Variants in TTN observed in about 807,000 individuals in gnomAD.
TTN encodes the protein titin, also known as connectin.
In TTN, 1,525 loss-of-function variants were observed where a neutral mutation model predicts 3,223.0. The ratio of observed to expected loss-of-function variants is 0.47; its 90% CI spans 0.45 to 0.49. The LOEUF (loss-of-function observed/expected upper bound fraction) is 0.49, where lower values mean the gene tolerates loss of function less well. Among genes scored for constraint, TTN ranks in the 20% least tolerant of loss-of-function variants. The probability of loss-of-function intolerance (pLI) is 0.00; values close to 1 mark genes in which losing one functional copy is unlikely to be tolerated. For missense variants in TTN, 40,786 were observed against 43,424.0 expected, an observed-to-expected ratio of 0.94 and a Z score of 5.40; for synonymous variants, 14,094 against 15,161.0, an observed-to-expected ratio of 0.93 and a Z score of 5.17.
intron 26 of TTN, 46 bp from the exon 27 acceptor site, chr2:178,777,363 C>T (rs1561303659): frequency 6.2e-7 from 1 of 1,612,862 alleles, no homozygotes; most frequent in Non-Finnish European, 8.5e-7. Flanking sequence ...GCTGAAATAC[C>T]TGTTTATAAC....
Position 178,563,160 on chromosome 2 carries a change from C to T in TTN, c.82972G>A (p.Ala27658Thr), listed in dbSNP as rs150150605. 31 of 1,613,722 alleles carry T rather than the reference C, an allele frequency of 1.9e-5. No homozygotes were observed. The African/African-American group carries it at 3.6e-4, about 19-fold the overall frequency. The part of the protein sequence containing the change: ...AINSEGVGEP[A>T]TLPGSVVAQE... ...GCAACCACTGAGCCAGGTAGAGTTG[C>T]AGGTTCACCTACACCTTCAGAATTG... Residue 27658 changes from alanine (A) to threonine (T), a missense_variant, in exon 326 of 363, where the codon GCA becomes ACA. Transcript: ENST00000589042. This position sits in a 1 kb window ranked among gnomAD's most constrained non-coding sequence, Gnocchi z 4.5.
In TTN at chr2:178,535,712, G is replaced by A. The variant is rs879048474; in HGVS notation, c.100903C>T (p.Leu33635Phe). Reference sequence around the variant, plus strand: ...TGGTAGTGGCCATTATTGTCAATGAGATCTTGTCCTTTCTGCCAGGTGATC... The same window carrying A: ...TGGTAGTGGCCATTATTGTCAATGAAATCTTGTCCTTTCTGCCAGGTGATC... ...PVITWQKGQD[L>F]IDNNGHYQVI... The change falls in exon 358 of 363, where the codon CTC becomes TTC. Residue 33635 changes from leucine (L) to phenylalanine (F), a missense_variant. Leu to Phe is a conservative substitution (Grantham distance 22, BLOSUM62 0). Coordinates refer to ENST00000589042, the MANE Select transcript of TTN (RefSeq NM_001267550.2). 4.3e-6 allele frequency: 7 copies of A among 1,613,660 alleles called. No individual in the cohort carries two copies. Among genetic ancestry groups the A allele is most frequent in the African/African-American group, 1.3e-5 (1 of 74,894 alleles).
chr2:178,694,966 CTCTA>C (rs2073346861), intron 115 of TTN, 60 bp from the exon 116 acceptor site: 8 of 1,187,406 alleles, frequency 6.7e-6, no homozygotes, highest in South Asian at 1.4e-5. Context: ...TTCTCTCTCT[CTCTA>C]TCTCTCTCTC....
chr2:178,651,262 T>G lies in TTN; in HGVS notation c.39606A>C (p.Pro13202=). Residue 13202 remains proline (P), a synonymous_variant, in exon 208 of 363, where the codon CCA becomes CCC. Transcript: ENST00000589042. ...PEKKVAVPKK[P]EVPPAKVPEV... is the part of the protein sequence containing the mutation. ...ATGTACCTTTTGCTGGTGGGACTTC[T>G]GGCTTTTTGGGAACAGCTACTTTCT... 6.2e-7 allele frequency: 1 copy of G among 1,613,278 alleles called. No homozygotes were observed. Among genetic ancestry groups the G allele is most frequent in the Non-Finnish European group, 8.5e-7 (1 of 1,179,470 alleles).
rs771633297 is a variant in TTN at position 178,545,425 on chromosome 2, G to A, written c.95685C>T (p.Ser31895=). The change falls in exon 344 of 363, where the codon AGC becomes AGT. Residue 31895 remains serine, a synonymous_variant. Transcript: ENST00000589042. The part of the protein sequence containing the change: ...AVNAAGNSEP[S]EASNFISCRE... ...TGCATGAGATGAAGTTGGAAGCTTCGCTGGGCTCACTGTTACCAGCTGCAT... is the reference window on the plus strand; with the variant it reads ...TGCATGAGATGAAGTTGGAAGCTTCACTGGGCTCACTGTTACCAGCTGCAT... 3.1e-6 allele frequency: 5 copies of A among 1,599,068 alleles called. No homozygotes were observed. The highest frequency in any genetic ancestry group is 2.6e-6 in the Non-Finnish European group (3 of 1,169,518).
At chr2:178,540,426 C>G (rs1018857420) in intron 350 of TTN, 56 bp from the exon 351 acceptor site, 14 of 1,379,686 alleles carry the variant, frequency 1.0e-5, no homozygotes, top group Middle Eastern at 2.4e-4. Flanking sequence ...TGAAAATTAG[C>G]TGTGCCACCT....
In TTN at chr2:178,582,935, G is replaced by A; in HGVS notation, c.65863+5C>T. On this transcript the variant is annotated splice_donor_5th_base_variant and intron_variant, in intron 313 of 362. Transcript: ENST00000589042. ...TATGGGATTCCAATGAAGTTTATTA[G>A]TTACCTAACACTTTAAGCTTAATGG... 1 of 1,484,268 alleles carries A rather than the reference G, an allele frequency of 6.7e-7. No individual in the cohort carries two copies. Among genetic ancestry groups the A allele is most frequent in the East Asian group, 2.3e-5 (1 of 42,706 alleles). The allele number at this position is 1,484,268 out of a possible 1,614,324, so 91.9% of individuals were successfully genotyped here. A position where few individuals can be genotyped will look rare whatever the true frequency, so the allele number is the denominator to read the frequency against.
intron 139 of TTN, 38 bp downstream of exon 139, chr2:178,680,216 A>C: frequency 6.2e-7 from 1 of 1,605,762 alleles, no homozygotes. Flanking sequence ...TCAACAGCAA[A>C]AGACGAACAA....
In TTN at chr2:178,729,541, C is replaced by T; in HGVS notation, c.18615G>A (p.Leu6205=). 6.2e-7 allele frequency: 1 copy of T among 1,613,140 alleles called. No homozygotes were observed. Among genetic ancestry groups the T allele is most frequent in the Non-Finnish European group, 8.5e-7 (1 of 1,179,344 alleles). Reference sequence around the variant, plus strand: ...TATATTTTACTACCTCCACAGGCTTCAGCTCTCTGATAAAGGTGGGGGGTT... The same window carrying T: ...TATATTTTACTACCTCCACAGGCTTTAGCTCTCTGATAAAGGTGGGGGGTT... ...VKEPPTFIRE[L]KPVEVVKYSD... Residue 6205 remains leucine, a synonymous_variant, in exon 64 of 363, where the codon CTG becomes CTA. Transcript: ENST00000589042.
At chr2:178,673,456 A>G (rs2067370099) in intron 152 of TTN, among the ~76,000 whole-genome samples, 177 bp downstream of exon 152, 1 of 151,816 alleles carries the variant, frequency 6.6e-6, no homozygotes, top group African/African-American at 2.4e-5. Context: ...CATGCACACA[A>G]TTATTCGTTA....
Position 178,790,110 on chromosome 2 carries a change from C to A in TTN, c.1806G>T (p.Met602Ile), listed in dbSNP as rs779396863. Reference protein sequence around the residue: ...DQMHLSYEKIMKETRKTVVPK... With the variant: ...DQMHLSYEKIIKETRKTVVPK... ...GTACAACTGTTTTCCTAGTTTCCTT[C>A]ATTATCTGATCATACAAAAGAAAGT... The change falls in exon 12 of 363, where the codon ATG becomes ATT. Residue 602 changes from methionine (M) to isoleucine (I), a missense_variant. Coordinates refer to ENST00000589042, the MANE Select transcript of TTN (RefSeq NM_001267550.2). 1.2e-6 allele frequency: 2 copies of A among 1,612,348 alleles called. No homozygotes were observed. The highest frequency in any genetic ancestry group is 2.2e-5 in the South Asian group (2 of 90,984).
rs1380106723 is a variant in TTN, at chr2:178,689,547, A to G, written c.31895T>C (p.Val10632Ala). 2 of 1,610,420 alleles carry G rather than the reference A, an allele frequency of 1.2e-6. No homozygotes were observed. Among genetic ancestry groups the G allele is most frequent in the Admixed American group, 3.4e-5 (2 of 59,614 alleles). ...GVVTEEKITI[V>A]TQREESPPPA... is the part of the protein sequence containing the mutation. ...TGGTGGAGATTCCTCTCTTTGAGTT[A>G]CAATGGTTATTTTTTCTTCTGTCAC... is the stretch of plus-strand genomic sequence containing the variant. Residue 10632 changes from valine to alanine, a missense_variant, in exon 123 of 363, where the codon GTA (valine) becomes GCA (alanine). By Grantham distance (64) the Val-to-Ala change is moderately conservative. Coordinates refer to ENST00000589042, the MANE Select transcript of TTN (RefSeq NM_001267550.2).
Position 178,593,857 on chromosome 2 carries a change from T to A in TTN, c.58443A>T (p.Gly19481=). 1 of 1,610,746 alleles carries A rather than the reference T, an allele frequency of 6.2e-7. No homozygotes were observed. The highest frequency in any genetic ancestry group is 1.1e-5 in the South Asian group (1 of 90,116). ...CAAAACTAACTGGTCCTACTGGTGG[T>A]CCAGGACGGTCTGCAGAAAAAAAAA... ...FCQVNVVDRP[G]PPVGPVSFDE... is the part of the protein sequence containing the mutation. The change falls in exon 298 of 363, where the codon GGA becomes GGT. Residue 19481 remains glycine, a synonymous_variant. Coordinates refer to ENST00000589042, the MANE Select transcript of TTN (RefSeq NM_001267550.2).
Position 178,713,364 on chromosome 2 carries a change from C to A in TTN, c.26770G>T (p.Val8924Phe). The A allele has an allele frequency of 6.6e-7, 1 of 1,520,942 alleles. No homozygotes were observed. The highest frequency in any genetic ancestry group is 1.4e-5 in the African/African-American group (1 of 71,968). 94.2% of individuals were successfully genotyped at this position (1,520,942 alleles called of 1,614,324 possible). A position where few individuals can be genotyped will look rare whatever the true frequency, so the allele number is the denominator to read the frequency against. Residue 8924 changes from valine (V) to phenylalanine (F), a missense_variant, in exon 93 of 363, where the codon GTT (valine) becomes TTT (phenylalanine). Coordinates refer to ENST00000589042, the MANE Select transcript of TTN (RefSeq NM_001267550.2). ...AATTTTCTTGTGAATGAAGGAGGAA[C>A]GGTTCGGTCTGAATGATACAAAACA... ...TASLQVSDRT[V>F]PPSFTRKLKE... is the part of the protein sequence containing the mutation.
At chr2:178,673,534 C>T in intron 152 of TTN, 99 bp downstream of exon 152, 1 of 820,300 alleles carries the variant, frequency 1.2e-6, no homozygotes, top group Non-Finnish European at 1.8e-6. Context: ...AGTTCACTAT[C>T]TAAATGATTA....
rs1289211242 is a variant in TTN, at chr2:178,593,637, G to A, written c.58663C>T (p.His19555Tyr). 6.2e-6 allele frequency: 10 copies of A among 1,613,032 alleles called. No individual in the cohort carries two copies. Among genetic ancestry groups the A allele is most frequent in the Non-Finnish European group, 8.5e-6 (10 of 1,179,550 alleles). The change falls in exon 298 of 363, where the codon CAT becomes TAT. Residue 19555 changes from histidine to tyrosine, a missense_variant. Coordinates refer to ENST00000589042, the MANE Select transcript of TTN (RefSeq NM_001267550.2). ...CTTATTCCATACAGATTTTCAGCAT[G>A]TATCCGGAAAATATAATCTTTTCCT... ...LEGKDYIFRIHAENLYGISDP... is the reference protein window; with the variant it reads ...LEGKDYIFRIYAENLYGISDP...
chr2:178,573,425 T>A lies in TTN; in HGVS notation c.72707A>T (p.Lys24236Ile). 5 of 1,518,554 alleles carry A rather than the reference T, an allele frequency of 3.3e-6. No individual in the cohort carries two copies. The highest frequency in any genetic ancestry group is 3.5e-6 in the Non-Finnish European group (4 of 1,136,378). 94.1% of individuals were successfully genotyped at this position (1,518,554 alleles called of 1,614,324 possible). A position where few individuals can be genotyped will look rare whatever the true frequency, so the allele number is the denominator to read the frequency against. Residue 24236 changes from lysine to isoleucine, a missense_variant, in exon 326 of 363, where the codon AAA becomes ATA. Physicochemically the swap from Lys to Ile is moderately radical, Grantham distance 102. Transcript: ENST00000589042. Reference sequence around the variant, plus strand: ...TCCCCAGCAGACAACCATCGAATCTTTAGTAATAGTTGTCACTTCAGGGTT... The same window carrying A: ...TCCCCAGCAGACAACCATCGAATCTATAGTAATAGTTGTCACTTCAGGGTT... ...PKNPEVTTIT[K>I]DSMVVCWGHP...
Position 178,593,959 on chromosome 2 carries a change from A to G in TTN, c.58432+2T>C, listed in dbSNP as rs796197320. Reference sequence around the variant, plus strand: ...CTATTCTTTCCACTAAATAAGACTTACCAACAACATTAACTTGACAGAAAC... The same window carrying G: ...CTATTCTTTCCACTAAATAAGACTTGCCAACAACATTAACTTGACAGAAAC... On this transcript the variant is annotated splice_donor_variant, in intron 297 of 362. Transcript: ENST00000589042. LOFTEE classifies it high-confidence loss of function. The G allele has an allele frequency of 6.2e-7, 1 of 1,613,222 alleles. No homozygotes were observed. The highest frequency in any genetic ancestry group is 8.5e-7 in the Non-Finnish European group (1 of 1,179,592).
chr2:178,664,554 A>C lies in TTN; in HGVS notation c.36203-17T>G. 1 of 1,607,036 alleles carries C rather than the reference A, an allele frequency of 6.2e-7. No individual in the cohort carries two copies. The highest frequency in any genetic ancestry group is 8.5e-7 in the Non-Finnish European group (1 of 1,177,168). On this transcript the variant is annotated splice_polypyrimidine_tract_variant and intron_variant, in intron 167 of 362. Transcript: ENST00000589042. ...CCTCCGGCACTTTGAAGATATTAAT[A>C]ATTTTACATTTAGAAGTTACAAGAA...
Sources: gnomAD v4.1 joint callset for allele counts (sites outside exome capture counted in the v4.1 genomes callset) on GRCh38, gnomAD v4.1.1 for gene constraint, Gnocchi (gnomAD v3.1) non-coding constraint, MANE v1.5 for transcripts, NCBI Gene and HGNC (gene_info 2026-07-23, HGNC 2026-07-21) for gene names.